CPA6: variants seen among roughly 807,000 people sequenced by gnomAD.
CPA6 encodes the protein carboxypeptidase A6, also known as carboxypeptidase B.
In CPA6, 58 loss-of-function variants were observed where a neutral mutation model predicts 63.3. The observed-to-expected ratio is 0.92, with a 90% CI of 0.74 to 1.14. CPA6 has a LOEUF of 1.14. Ranked by LOEUF, CPA6 falls within the 50% of genes most tolerant of loss-of-function variation. The probability of loss-of-function intolerance (pLI) is 0.00; values close to 1 mark genes in which losing one functional copy is unlikely to be tolerated. For synonymous variants in CPA6, 185 were observed against 179.0 expected (o/e 1.03, Z -0.27); for missense variants, 565 against 526.6 (o/e 1.07, Z -0.71).
At chr8:67,522,445 T>TAGGA (rs1206184195) in intron 2 of CPA6, among the ~76,000 whole-genome samples, 1 of 152,246 alleles carries the variant, frequency 6.6e-6, no homozygotes, top group Non-Finnish European at 1.5e-5. Flanking sequence ...CACATGCTCC[T>TAGGA]GCTCACTGAG....
intron 10 of CPA6, among the ~76,000 whole-genome samples, chr8:67,425,569 T>C (rs1291225969): frequency 6.6e-6 from 1 of 152,114 alleles, no homozygotes; most frequent in Non-Finnish European, 1.5e-5. Flanking sequence ...AGAGATGGGG[T>C]TTCACCATGT....
intron 3 of CPA6, among the ~76,000 whole-genome samples, chr8:67,513,515 A>G (rs1399077124): frequency 6.6e-6 from 1 of 152,200 alleles, no homozygotes; most frequent in East Asian, 1.9e-4. Context: ...AAATGTAGAC[A>G]GATTTGCCAA....
intron 1 of CPA6, among the ~76,000 whole-genome samples, chr8:67,741,702 G>A (rs536502694): frequency 7.2e-5 from 11 of 152,156 alleles, no homozygotes; most frequent in Admixed American, 3.9e-4. Flanking sequence ...CTGATGATAC[G>A]TCACTGTTTC....
intron 2 of CPA6, among the ~76,000 whole-genome samples, chr8:67,608,226 G>A (rs1372260141): frequency 6.6e-6 from 1 of 152,190 alleles, no homozygotes; most frequent in African/African-American, 2.4e-5. Context: ...GGCCCTAAAT[G>A]AGAACAGGCA....
chr8:67,596,472 T>C (rs2128982403), intron 2 of CPA6, among the ~76,000 whole-genome samples: 1 of 152,306 alleles, frequency 6.6e-6, no homozygotes, highest in Admixed American at 6.5e-5. Context: ...CTTCCTGCTT[T>C]AAACATTTTC....
chr8:67,518,116 A>G (rs1447167496), intron 2 of CPA6, 69 bp from the exon 3 acceptor site: 1 of 1,419,484 alleles, frequency 7.0e-7, no homozygotes, highest in Non-Finnish European at 9.4e-7. Flanking sequence ...CACAATGTCA[A>G]ACACATTCTT....
intron 1 of CPA6, among the ~76,000 whole-genome samples, chr8:67,677,590 T>C (rs971830417): frequency 6.6e-6 from 1 of 152,136 alleles, no homozygotes; most frequent in South Asian, 2.1e-4. Context: ...TCTCTGTATA[T>C]GTGTGTATGT....
In CPA6 at chr8:67,670,116, T is replaced by C. The variant is rs6997980; in HGVS notation, c.117-45865A>G. On this transcript the variant is annotated intron_variant, in intron 1 of 10. Coordinates refer to ENST00000297770, the MANE Select transcript of CPA6 (RefSeq NM_020361.5). ...ATCTAAGATGTAGAATACATGCCTATTAGCACACGTATTTGTCCATTGTCA... is the reference window on the plus strand; with the variant it reads ...ATCTAAGATGTAGAATACATGCCTACTAGCACACGTATTTGTCCATTGTCA... 4.2e-3 allele frequency among the ~76,000 whole-genome samples: 638 copies of C among 152,324 alleles called. 8 individuals carry two copies. The highest frequency in any genetic ancestry group is 0.015 in the African/African-American group (616 of 41,556).
At chr8:67,428,002 G>C (rs1466788879) in intron 10 of CPA6, 45 bp downstream of exon 10, 1 of 1,265,252 alleles carries the variant, frequency 7.9e-7, no homozygotes, top group Non-Finnish European at 1.1e-6. Context: ...ACAGGATATT[G>C]GTTCAAGAGA....
At chr8:67,435,862 A>T (rs866473014) in intron 8 of CPA6, among the ~76,000 whole-genome samples, 3 of 151,426 alleles carry the variant, frequency 2.0e-5, no homozygotes, top group African/African-American at 7.4e-5. Flanking sequence ...CTGGGGGCAC[A>T]GGGCTTTGAA....
chr8:67,462,429 A>G (rs1810834713), intron 8 of CPA6, among the ~76,000 whole-genome samples: 1 of 152,160 alleles, frequency 6.6e-6, no homozygotes, highest in Non-Finnish European at 1.5e-5. Flanking sequence ...GAGCATTTGG[A>G]ATGCTTCTAA....
Position 67,746,348 on chromosome 8 carries a change from AAGCAGC to A in CPA6, c.-225_-220del. ...TGCTATTACGACTTGGTCTTGGGACAAGCAGCAGCAGCAGCAGCAGCAGCTGAGCCT... is the reference window on the plus strand; with the variant it reads ...TGCTATTACGACTTGGTCTTGGGACAAGCAGCAGCAGCAGCAGCTGAGCCT... On this transcript the variant is annotated 5_prime_UTR_variant, in exon 1 of 11. Coordinates refer to ENST00000297770, the MANE Select transcript of CPA6 (RefSeq NM_020361.5). The A allele has an allele frequency of 3.2e-5, 13 of 403,878 alleles. No homozygotes were observed. Among genetic ancestry groups the A allele is most frequent in the Middle Eastern group, 5.1e-4 (1 of 1,978 alleles). 25.0% of individuals were successfully genotyped at this position (403,878 alleles called of 1,614,324 possible).
At chr8:67,546,111 G>C (rs932960353) in intron 2 of CPA6, among the ~76,000 whole-genome samples, 1 of 152,144 alleles carries the variant, frequency 6.6e-6, no homozygotes, top group African/African-American at 2.4e-5. Context: ...AACATGTCAA[G>C]AGCGAGGTGG....
At chr8:67,572,966 T>C (rs974370695) in intron 2 of CPA6, among the ~76,000 whole-genome samples, 3 of 152,272 alleles carry the variant, frequency 2.0e-5, no homozygotes, top group Admixed American at 2.0e-4. Flanking sequence ...GCAAGGATGG[T>C]TCAACATTCA....
chr8:67,529,159 A>G (rs1812425388), intron 2 of CPA6, among the ~76,000 whole-genome samples: 1 of 152,050 alleles, frequency 6.6e-6, no homozygotes, highest in South Asian at 2.1e-4. Context: ...AGAACTTCCT[A>G]TTTAAAAAAA....
intron 2 of CPA6, among the ~76,000 whole-genome samples, chr8:67,528,489 C>T (rs926114939): frequency 6.6e-6 from 1 of 152,238 alleles, no homozygotes; most frequent in African/African-American, 2.4e-5. Flanking sequence ...CTGCGGGGGG[C>T]CATCATTTCC....
At chr8:67,517,257 G>A (rs1006143515) in intron 3 of CPA6, among the ~76,000 whole-genome samples, 55 of 152,240 alleles carry the variant, frequency 3.6e-4, no homozygotes, top group African/African-American at 1.2e-3. Flanking sequence ...CATGAGGAGA[G>A]TCTGCTCTGA....
At chr8:67,534,964 T>C (rs1812554981) in intron 2 of CPA6, among the ~76,000 whole-genome samples, 1 of 152,026 alleles carries the variant, frequency 6.6e-6, no homozygotes, top group Non-Finnish European at 1.5e-5. Flanking sequence ...ATGTGGTGTT[T>C]GGTTTTCTGT....
chr8:67,709,338 G>A (rs368356032), intron 1 of CPA6, among the ~76,000 whole-genome samples: 20 of 152,226 alleles, frequency 1.3e-4, no homozygotes, highest in Admixed American at 6.5e-4. Context: ...ACCTCATTTC[G>A]TTCATGCTCT....
Sources: gnomAD v4.1 joint callset for allele counts (sites outside exome capture counted in the v4.1 genomes callset) on GRCh38, gnomAD v4.1.1 for gene constraint, MANE v1.5 for transcripts, NCBI Gene and HGNC (gene_info 2026-07-23, HGNC 2026-07-21) for gene names.